The following PCDHA13 variants were observed in gnomAD, a reference collection of about 807,000 sequenced individuals.
PCDHA13 encodes protocadherin alpha-13.
In PCDHA13, 54 loss-of-function variants were observed where a neutral mutation model predicts 64.8. That is an observed-to-expected ratio of 0.83 (90% CI 0.67 to 1.04). The LOEUF is 1.04. Among genes scored for constraint, PCDHA13 ranks in the 50% least tolerant of loss-of-function variants. The pLI is 0.00. For missense variants in PCDHA13, 1,248 were observed against 1,254.3 expected, an observed-to-expected ratio of 0.99 and a Z score of 0.08; for synonymous variants, 587 against 564.4, an observed-to-expected ratio of 1.04 and a Z score of -0.57.
chr5:140,938,484 A>G (rs914020751), intron 1 of PCDHA13, among the ~76,000 whole-genome samples: 14 of 152,182 alleles, frequency 9.2e-5, no homozygotes, highest in African/African-American at 2.9e-4. Flanking sequence ...TTTAAAAATC[A>G]TGAATAGGCA....
chr5:140,923,489 A>C (rs549066009), intron 1 of PCDHA13, among the ~76,000 whole-genome samples: 2 of 152,182 alleles, frequency 1.3e-5, no homozygotes, highest in Non-Finnish European at 2.9e-5. Flanking sequence ...TCTTCACACC[A>C]CTGCACTCCA....
rs1554179634 is a variant in PCDHA13, at chr5:140,883,733, C to G, written c.1465C>G (p.Leu489Val). ...GGACGCGGACGCACAGGAGAACGCG[C>G]TGGTCTCCTACTCGCTGGTGGAGCG... ...AQDADAQENA[L>V]VSYSLVERRV... The change falls in exon 1 of 4, where the codon CTG becomes GTG. Residue 489 changes from leucine to valine, a missense_variant. Transcript: ENST00000289272. The G allele has an allele frequency of 3.1e-6, 5 of 1,613,458 alleles. No homozygotes were observed. The highest frequency in any genetic ancestry group is 1.3e-5 in the African/African-American group (1 of 75,040).
intron 1 of PCDHA13, among the ~76,000 whole-genome samples, chr5:140,962,596 T>C (rs2095694957): frequency 6.6e-6 from 1 of 152,218 alleles, no homozygotes; most frequent in South Asian, 2.1e-4. Flanking sequence ...TTGACTGATA[T>C]ATTTCTTCTG....
intron 1 of PCDHA13, among the ~76,000 whole-genome samples, chr5:140,970,092 A>C (rs1554232243): frequency 6.6e-6 from 1 of 151,978 alleles, no homozygotes; most frequent in East Asian, 1.9e-4. Context: ...GTGTGGGGGG[A>C]TGGTGAAGAC....
At chr5:140,938,727 G>GA (rs2092176789) in intron 1 of PCDHA13, among the ~76,000 whole-genome samples, 1 of 151,904 alleles carries the variant, frequency 6.6e-6, no homozygotes, top group South Asian at 2.1e-4. Flanking sequence ...CGTTTCTACA[G>GA]AAAAAAATAA....
intron 1 of PCDHA13, 168 bp from the exon 2 acceptor site, chr5:140,978,781 A>G (rs4461687): frequency 4.1e-6 from 4 of 969,772 alleles, no homozygotes; most frequent in South Asian, 4.8e-5. Context: ...ATTTTCTTCT[A>G]AAGTGCTATA....
At chr5:140,980,113 C>T (rs2096877031) in intron 2 of PCDHA13, among the ~76,000 whole-genome samples, 1 of 152,096 alleles carries the variant, frequency 6.6e-6, no homozygotes, top group African/African-American at 2.4e-5. Context: ...ACATTGGAAC[C>T]TGGGTCATAA....
intron 1 of PCDHA13, among the ~76,000 whole-genome samples, chr5:140,978,326 G>A: frequency 6.6e-6 from 1 of 152,202 alleles, no homozygotes; most frequent in East Asian, 1.9e-4. Flanking sequence ...ACAAGTACAA[G>A]TTTATGAAAA....
chr5:140,884,395 C>A lies in PCDHA13; in HGVS notation c.2127C>A (p.Ser709Arg). The A allele has an allele frequency of 6.2e-7, 1 of 1,614,000 alleles. No homozygotes were observed. Among genetic ancestry groups the A allele is most frequent in the Non-Finnish European group, 8.5e-7 (1 of 1,179,900 alleles). ...YLIIAICAVS[S>R]LLVLTLLLYT... Reference sequence around the variant, plus strand: ...TCATTGCCATCTGCGCGGTGTCCAGCCTGTTGGTGCTCACGTTGCTGCTGT... The same window carrying A: ...TCATTGCCATCTGCGCGGTGTCCAGACTGTTGGTGCTCACGTTGCTGCTGT... Residue 709 changes from serine (S) to arginine (R), a missense_variant, in exon 1 of 4, where the codon AGC (serine) becomes AGA (arginine). Transcript: ENST00000289272.
intron 1 of PCDHA13, among the ~76,000 whole-genome samples, chr5:140,920,648 A>G (rs1465559942): frequency 1.3e-5 from 2 of 152,148 alleles, no homozygotes; most frequent in Non-Finnish European, 2.9e-5. Flanking sequence ...GATTGAGACC[A>G]TCCTTGCCAA....
chr5:140,908,287 C>G (rs781987945), intron 1 of PCDHA13, among the ~76,000 whole-genome samples: 1 of 152,136 alleles, frequency 6.6e-6, no homozygotes, highest in African/African-American at 2.4e-5. Flanking sequence ...TTGTTGCAAG[C>G]TGGGGAAGAG....
chr5:140,949,409 A>G (rs547419161), intron 1 of PCDHA13, among the ~76,000 whole-genome samples: 1 of 151,896 alleles, frequency 6.6e-6, no homozygotes, highest in African/African-American at 2.4e-5. Flanking sequence ...AAAATCACCT[A>G]TCATCATTGT....
At position 140,882,156 on chromosome 5, in the gene PCDHA13, A is replaced by C. The variant is rs1582595846; in HGVS notation, c.-113A>C. 2 of 1,504,204 alleles carry C rather than the reference A, an allele frequency of 1.3e-6. No homozygotes were observed. The highest frequency in any genetic ancestry group is 1.8e-6 in the Non-Finnish European group (2 of 1,124,998). The allele number at this position is 1,504,204 out of a possible 1,614,324, so 93.2% of individuals were successfully genotyped here. ...CAGAAAATATAGCAGAAAGCGGAAT[A>C]CCTCTTGCGAATCCTTCCGCACTAG... is the stretch of plus-strand genomic sequence containing the variant. On this transcript the variant is annotated 5_prime_UTR_variant, in exon 1 of 4. Transcript: ENST00000289272.
intron 1 of PCDHA13, among the ~76,000 whole-genome samples, chr5:140,910,901 C>T (rs1433262630): frequency 6.6e-6 from 1 of 152,142 alleles, no homozygotes; most frequent in African/African-American, 2.4e-5. Context: ...CTATGCCTGT[C>T]CTCCAGATTT....
chr5:141,002,095 C>G (rs1341792848), intron 3 of PCDHA13, among the ~76,000 whole-genome samples: 1 of 152,234 alleles, frequency 6.6e-6, no homozygotes, highest in Non-Finnish European at 1.5e-5. Flanking sequence ...AGTCCAGGGG[C>G]TGGGCCGGAA....
chr5:140,988,024 A>G (rs2153870091), intron 3 of PCDHA13, among the ~76,000 whole-genome samples: 1 of 152,316 alleles, frequency 6.6e-6, no homozygotes, highest in East Asian at 1.9e-4. Flanking sequence ...ATGATTCTTA[A>G]GTTTTTTAGA....
chr5:140,920,530 G>T (rs2079676121), intron 1 of PCDHA13, among the ~76,000 whole-genome samples: 1 of 152,148 alleles, frequency 6.6e-6, no homozygotes, highest in African/African-American at 2.4e-5. Context: ...GTTAGACTCA[G>T]GTTTTCTATT....
intron 1 of PCDHA13, among the ~76,000 whole-genome samples, chr5:140,905,415 C>A (rs2071821709): frequency 6.6e-6 from 1 of 152,128 alleles, no homozygotes; most frequent in Non-Finnish European, 1.5e-5. Context: ...ATACCAGTAC[C>A]ATGCTGGTTT....
chr5:140,941,597 G>T (rs2093124922), intron 1 of PCDHA13, among the ~76,000 whole-genome samples: 1 of 152,032 alleles, frequency 6.6e-6, no homozygotes, highest in Middle Eastern at 3.4e-3. Context: ...TTACAGCCAT[G>T]AGCCATGGTG....
Sources: allele counts gnomAD v4.1 joint callset (sites outside exome capture counted in the v4.1 genomes callset), GRCh38; gene constraint gnomAD v4.1.1; transcripts MANE v1.5; gene names NCBI Gene and HGNC (gene_info 2026-07-23, HGNC 2026-07-21).